The following CFAP92 variants were observed in gnomAD, a reference collection of about 807,000 sequenced individuals.
CFAP92 encodes the protein cilia and flagella associated protein 92 (putative).
A neutral mutation model predicts 106.3 loss-of-function variants in CFAP92; 86 were observed. The observed-to-expected ratio is 0.81, with a 90% CI of 0.68 to 0.97. The LOEUF is 0.97. Ranked by LOEUF, CFAP92 falls within the 50% of genes least tolerant of loss-of-function variation. The pLI is 0.00. For missense variants in CFAP92, 1,204 were observed against 1,283.8 expected (o/e 0.94, Z 0.95); for synonymous variants, 477 against 506.4 (o/e 0.94, Z 0.78).
chr3:128,912,669 G>C (rs766325267), intron 15 of CFAP92: 3 of 1,386,006 alleles, frequency 2.2e-6, no homozygotes, highest in Non-Finnish European at 3.1e-6. Flanking sequence ...CTGGATGACT[G>C]TTACTCTTTT....
chr3:128,987,864 G>A (rs1283568643), intron 3 of CFAP92, 35 bp from the exon 4 acceptor site: 2 of 1,549,428 alleles, frequency 1.3e-6, no homozygotes, highest in South Asian at 1.2e-5. Context: ...GTCAACTGGG[G>A]AAAGATGTGC....
intron 12 of CFAP92, among the ~76,000 whole-genome samples, chr3:128,928,986 A>G (rs1938022370): frequency 6.6e-6 from 1 of 152,192 alleles, no homozygotes; most frequent in African/African-American, 2.4e-5. Context: ...GGCCAGGCAC[A>G]GTGACTCATA....
At chr3:128,910,957 TG>T (rs1490453470) in intron 15 of CFAP92, 1 of 982,014 alleles carries the variant, frequency 1.0e-6, no homozygotes, top group African/African-American at 1.6e-5. Context: ...TGGGTAGGCC[TG>T]GGCTTAGCTG....
At chr3:129,015,832 GCT>G in the CFAP92 span, among the ~76,000 whole-genome samples, 3 of 149,394 alleles carry the variant, frequency 2.0e-5, no homozygotes, top group African/African-American at 7.4e-5. Context: ...TTCACATGTT[GCT>G]CTCTGTTTCC....
chr3:128,915,650 G>T (rs1272967367), intron 13 of CFAP92, 87 bp from the exon 14 acceptor site: 5 of 862,562 alleles, frequency 5.8e-6, no homozygotes, highest in Non-Finnish European at 8.7e-6. Flanking sequence ...ACAGCTGGGG[G>T]CATAATCATA....
chr3:128,940,017 G>A (rs1238145896), intron 10 of CFAP92, among the ~76,000 whole-genome samples: 1 of 152,164 alleles, frequency 6.6e-6, no homozygotes, highest in Non-Finnish European at 1.5e-5. Flanking sequence ...TGATAGATTG[G>A]CCTCTTCTGG....
At chr3:128,912,650 G>GTTAAGAAAGT in intron 15 of CFAP92, 3 of 1,509,934 alleles carry the variant, frequency 2.0e-6, no homozygotes, top group Non-Finnish European at 2.8e-6. Context: ...CCCTACCCAT[G>GTTAAGAAAGT]GCCCGTTGCT....
In CFAP92 at chr3:128,925,664, T is replaced by C. The variant is rs1937595162; in HGVS notation, c.2751+7036A>G. Among the ~76,000 whole-genome samples, 10 of 152,126 alleles carry C rather than the reference T, an allele frequency of 6.6e-5. No individual in the cohort carries two copies. In the South Asian group the frequency reaches 2.1e-3, roughly 32 times the overall value. On this transcript the variant is annotated intron_variant, in intron 12 of 15. Coordinates refer to ENST00000645291, the MANE Select transcript of CFAP92 (RefSeq NM_001394090.1). ...GAAGAGAAATACTGTCCTAGAACTT[T>C]TAAAACTTAAAAAAAATCAAGCTAC...
intron 10 of CFAP92, among the ~76,000 whole-genome samples, chr3:128,943,063 G>A (rs1341441496): frequency 2.0e-5 from 3 of 151,218 alleles, no homozygotes; most frequent in African/African-American, 7.4e-5. Context: ...GGGATTACAG[G>A]CACACGCCAC....
chr3:128,956,835 C>G (rs983840278), intron 9 of CFAP92, among the ~76,000 whole-genome samples: 1 of 151,906 alleles, frequency 6.6e-6, no homozygotes, highest in Non-Finnish European at 1.5e-5. Context: ...CAAAAATTAG[C>G]CAGGCATGGT....
the CFAP92 span, among the ~76,000 whole-genome samples, chr3:129,021,935 T>C: frequency 6.6e-6 from 1 of 152,208 alleles, no homozygotes; most frequent in Non-Finnish European, 1.5e-5. Flanking sequence ...ATTCAGCTCA[T>C]TTTGGAATAG....
intron 12 of CFAP92, among the ~76,000 whole-genome samples, chr3:128,921,770 C>T (rs553993594): frequency 5.7e-4 from 87 of 152,264 alleles, no homozygotes; most frequent in African/African-American, 2.1e-3. Flanking sequence ...GGAAGAGGGG[C>T]CTGCCTCAGG....
upstream of CFAP92, among the ~76,000 whole-genome samples, chr3:128,996,794 T>G (rs1238155566): frequency 2.6e-5 from 4 of 152,362 alleles, no homozygotes; most frequent in African/African-American, 9.6e-5. Context: ...AAGTCCTCAC[T>G]TGCATGTCTG....
At chr3:129,001,303 C>T (rs1344462027) in intron 1 of CFAP92, among the ~76,000 whole-genome samples, 2 of 152,124 alleles carry the variant, frequency 1.3e-5, no homozygotes, top group Non-Finnish European at 2.9e-5. Context: ...AGGAAAAGCG[C>T]AGACGCCAGG....
intron 4 of CFAP92, among the ~76,000 whole-genome samples, chr3:128,984,015 AG>A (rs1462041763): frequency 2.0e-5 from 3 of 152,312 alleles, no homozygotes; most frequent in Non-Finnish European, 4.4e-5. Context: ...AGGAGGGAAA[AG>A]ACAGCTGGGC....
intron 2 of CFAP92, 123 bp downstream of exon 2, chr3:128,992,920 G>A (rs899905390): frequency 3.3e-6 from 4 of 1,197,796 alleles, no homozygotes; most frequent in Non-Finnish European, 4.8e-6. Flanking sequence ...GCTGGCACTG[G>A]CCAGCCCGCT....
chr3:129,004,314 C>T (rs1461855652), upstream of CFAP92, among the ~76,000 whole-genome samples: 1 of 151,850 alleles, frequency 6.6e-6, no homozygotes, highest in Non-Finnish European at 1.5e-5. Flanking sequence ...TCTGTCCATC[C>T]ATTCACCCAC....
chr3:128,950,329 C>T (rs1332214115), intron 9 of CFAP92, among the ~76,000 whole-genome samples: 3 of 152,200 alleles, frequency 2.0e-5, no homozygotes, highest in African/African-American at 4.8e-5. Flanking sequence ...AGAAGCCCAC[C>T]GTGCACCCAA....
At chr3:128,971,489 A>G (rs997786206) in intron 7 of CFAP92, 56 bp from the exon 8 acceptor site, 2 of 1,380,884 alleles carry the variant, frequency 1.4e-6, no homozygotes, top group South Asian at 1.4e-5. Context: ...CTGAGCTGCC[A>G]TATGTGGACC....
Sources: allele counts gnomAD v4.1 joint callset (sites outside exome capture counted in the v4.1 genomes callset), GRCh38; gene constraint gnomAD v4.1.1; transcripts MANE v1.5; gene names NCBI Gene and HGNC (gene_info 2026-07-23, HGNC 2026-07-21).